Variants in ELMO1 observed in about 807,000 individuals in gnomAD.
The protein encoded by ELMO1 is engulfment and cell motility 1.
A neutral mutation model predicts 98.9 loss-of-function variants in ELMO1; 26 were observed. The observed-to-expected ratio is 0.26, with a 90% confidence interval of 0.19 to 0.36. The LOEUF (loss-of-function observed/expected upper bound fraction) is 0.36. Among genes scored for constraint, ELMO1 ranks in the 10% least tolerant of loss-of-function variants. The pLI is 1.00. For missense variants in ELMO1, 627 were observed against 935.2 expected, an observed-to-expected ratio of 0.67 and a Z score of 4.30; for synonymous variants, 346 against 346.0, an observed-to-expected ratio of 1.00 and a Z score of 0.00.
At chr7:36,928,920 A>G (rs1785799320) in intron 16 of ELMO1, among the ~76,000 whole-genome samples, 1 of 152,234 alleles carries the variant, frequency 6.6e-6, no homozygotes. Flanking sequence ...GACCAGAAAG[A>G]CAGGAGGGAC....
chr7:37,190,997 G>A lies in ELMO1; in HGVS notation c.1086+20389C>T, dbSNP rs1056991015. ...AGGTCAAGGAGATAGAGACCATCCC[G>A]GCTAACACGGTGAAACCCCATCTCT... On this transcript the variant is annotated intron_variant, in intron 13 of 21. Coordinates refer to ENST00000310758, the MANE Select transcript of ELMO1 (RefSeq NM_014800.11). 5.3e-5 allele frequency among the ~76,000 whole-genome samples: 8 copies of A among 151,510 alleles called. No individual in the cohort carries two copies. In the South Asian group the frequency reaches 1.0e-3, roughly 20 times the overall value.
chr7:37,087,847 GT>G, intron 15 of ELMO1, among the ~76,000 whole-genome samples: 1 of 152,336 alleles, frequency 6.6e-6, no homozygotes, highest in East Asian at 1.9e-4. Context: ...AAAAGGGTAT[GT>G]ATTAATAAAC....
intron 16 of ELMO1, among the ~76,000 whole-genome samples, chr7:36,946,896 T>C (rs1171861383): frequency 6.6e-6 from 1 of 152,254 alleles, no homozygotes; most frequent in East Asian, 1.9e-4. Flanking sequence ...CTTTCCTCTA[T>C]AGGCTCTTCA....
intron 1 of ELMO1, among the ~76,000 whole-genome samples, chr7:37,440,169 C>T (rs574415082): frequency 1.3e-5 from 2 of 152,260 alleles, no homozygotes; most frequent in South Asian, 4.1e-4. Flanking sequence ...AGGGGCCAGG[C>T]ACAGTGGCTC....
chr7:37,405,332 G>A (rs1396812273), intron 1 of ELMO1, among the ~76,000 whole-genome samples: 17 of 151,646 alleles, frequency 1.1e-4, no homozygotes, highest in Admixed American at 9.9e-4. Flanking sequence ...CCCTCCCCAC[G>A]CCCCAGACTC....
At chr7:37,427,584 C>T (rs1403264108) in intron 1 of ELMO1, among the ~76,000 whole-genome samples, 1 of 152,210 alleles carries the variant, frequency 6.6e-6, no homozygotes, top group Non-Finnish European at 1.5e-5. Flanking sequence ...ATTCTGCAAA[C>T]ATTTTATGGA....
At chr7:37,192,818 G>A (rs1313376573) in intron 13 of ELMO1, among the ~76,000 whole-genome samples, 3 of 142,644 alleles carry the variant, frequency 2.1e-5, no homozygotes, top group Non-Finnish European at 4.5e-5. Context: ...AAAAAAATGT[G>A]TGTGTGTGTA....
intron 1 of ELMO1, among the ~76,000 whole-genome samples, chr7:37,411,901 A>T (rs1804007027): frequency 6.6e-6 from 1 of 152,156 alleles, no homozygotes; most frequent in African/African-American, 2.4e-5. Context: ...CATGTCTTTC[A>T]CTGCTTTAAA....
intron 10 of ELMO1, among the ~76,000 whole-genome samples, chr7:37,218,641 T>C (rs561145139): frequency 5.9e-5 from 9 of 152,344 alleles, no homozygotes; most frequent in Middle Eastern, 3.4e-3. Context: ...TATACTGACA[T>C]GGAAAGATGT....
intron 13 of ELMO1, among the ~76,000 whole-genome samples, chr7:37,201,833 G>A (rs1792315178): frequency 6.6e-6 from 1 of 152,240 alleles, no homozygotes; most frequent in Non-Finnish European, 1.5e-5. Flanking sequence ...GGATGCCTCA[G>A]AAGTTATTAG....
intron 4 of ELMO1, among the ~76,000 whole-genome samples, chr7:37,289,452 C>T (rs1404152842): frequency 6.6e-6 from 1 of 152,212 alleles, no homozygotes; most frequent in Non-Finnish European, 1.5e-5. Context: ...AATGAACCAT[C>T]TGTCATCAGC....
intron 15 of ELMO1, among the ~76,000 whole-genome samples, chr7:37,031,563 G>A (rs1584539993): frequency 6.6e-6 from 1 of 151,964 alleles, no homozygotes; most frequent in Non-Finnish European, 1.5e-5. Flanking sequence ...ATTCTTTTAC[G>A]CCCATTCTCT....
chr7:37,005,150 A>G (rs985759901), intron 16 of ELMO1, among the ~76,000 whole-genome samples: 2 of 151,130 alleles, frequency 1.3e-5, no homozygotes, highest in African/African-American at 4.9e-5. Context: ...AGAAAATTAC[A>G]TGAACAGGGT....
chr7:37,013,626 T>TA (rs745356088), intron 15 of ELMO1, 191 bp from the exon 16 acceptor site: 255 of 600,126 alleles, frequency 4.2e-4, no homozygotes, highest in Non-Finnish European at 6.0e-4. Context: ...TAAGGCCAGA[T>TA]AGTCAGACCT....
chr7:37,438,431 CAAAA>C (rs543852959), intron 1 of ELMO1, among the ~76,000 whole-genome samples: 2 of 122,564 alleles, frequency 1.6e-5, no homozygotes, highest in African/African-American at 6.2e-5. Flanking sequence ...ACTAAAAATA[CAAAA>C]AAAAAAAAAA....
chr7:36,994,081 T>C (rs1792042298), intron 16 of ELMO1, among the ~76,000 whole-genome samples: 1 of 152,220 alleles, frequency 6.6e-6, no homozygotes, highest in South Asian at 2.1e-4. Flanking sequence ...AGGAAGTGCC[T>C]GAGATAATGC....
At chr7:37,357,305 G>A (rs1801532827) in intron 1 of ELMO1, among the ~76,000 whole-genome samples, 1 of 152,046 alleles carries the variant, frequency 6.6e-6, no homozygotes, top group African/African-American at 2.4e-5. Context: ...TTGGTTTCAG[G>A]AGTGTCAACA....
intron 16 of ELMO1, among the ~76,000 whole-genome samples, chr7:36,940,083 T>C (rs1449053192): frequency 6.6e-6 from 1 of 152,238 alleles, no homozygotes; most frequent in Non-Finnish European, 1.5e-5. Flanking sequence ...GCATATGTTG[T>C]TGCCATTCCC....
At chr7:37,048,136 G>C (rs1357940392) in intron 15 of ELMO1, among the ~76,000 whole-genome samples, 3 of 152,154 alleles carry the variant, frequency 2.0e-5, no homozygotes, top group African/African-American at 7.2e-5. Context: ...TCTTTGTTGA[G>C]AGGGAGGCTT....
Sources: allele counts gnomAD v4.1 joint callset (sites outside exome capture counted in the v4.1 genomes callset), GRCh38; gene constraint gnomAD v4.1.1; transcripts MANE v1.5; gene names NCBI Gene and HGNC (gene_info 2026-07-23, HGNC 2026-07-21).